The following SLIT1 variants were observed in gnomAD, a reference collection of about 807,000 sequenced individuals.
SLIT1 encodes the protein slit homolog 1 protein.
SLIT1 carries 66 observed loss-of-function variants against 186.1 expected under a neutral mutation model. The ratio of observed to expected loss-of-function variants is 0.35; its 90% CI spans 0.29 to 0.44. The LOEUF (loss-of-function observed/expected upper bound fraction) is 0.44. SLIT1 is among the 20% of genes least tolerant of loss of function. SLIT1 has a pLI of 1.00. For missense variants in SLIT1, 1,638 were observed against 2,037.4 expected, an observed-to-expected ratio of 0.80 and a Z score of 3.77; for synonymous variants, 761 against 833.8, an observed-to-expected ratio of 0.91 and a Z score of 1.50.
chr10:97,103,652 C>A (rs942858665), intron 4 of SLIT1: 1 of 152,182 alleles, frequency 6.6e-6, no homozygotes, highest in Non-Finnish European at 1.5e-5. Context: ...CAAAGTGCAA[C>A]GCCCTCAATT....
chr10:97,074,028 C>G (rs1044705216), intron 4 of SLIT1, among the ~76,000 whole-genome samples: 2 of 152,154 alleles, frequency 1.3e-5, no homozygotes, highest in Non-Finnish European at 2.9e-5. Flanking sequence ...AACACCTCCC[C>G]TGAGCCTGAG....
intron 23 of SLIT1, among the ~76,000 whole-genome samples, chr10:97,033,009 G>A (rs1220374633): frequency 6.6e-6 from 1 of 152,068 alleles, no homozygotes; most frequent in Non-Finnish European, 1.5e-5. Context: ...GGAGAGGCAG[G>A]AGCAGGGGAT....
chr10:97,075,490 G>A (rs915326479), intron 4 of SLIT1, among the ~76,000 whole-genome samples: 1 of 152,200 alleles, frequency 6.6e-6, no homozygotes. Context: ...CCTCTGGCAG[G>A]ACCACAGTTA....
chr10:97,136,205 C>T (rs1281587898), intron 4 of SLIT1, among the ~76,000 whole-genome samples: 7 of 152,168 alleles, frequency 4.6e-5, no homozygotes, highest in African/African-American at 1.7e-4. Context: ...GTCCCCTCAT[C>T]CACTGTAATA....
intron 4 of SLIT1, among the ~76,000 whole-genome samples, chr10:97,126,076 G>T (rs567712573): frequency 6.6e-6 from 1 of 152,286 alleles, no homozygotes; most frequent in Admixed American, 6.5e-5. Context: ...GGAAGGGGAC[G>T]TCGAGATCTG....
intron 22 of SLIT1, among the ~76,000 whole-genome samples, chr10:97,034,780 C>T (rs1047215934): frequency 1.3e-5 from 2 of 152,144 alleles, no homozygotes; most frequent in South Asian, 2.1e-4. Context: ...CTGACCCTCA[C>T]CCCCATCCCT....
Position 97,043,378 on chromosome 10 carries a change from G to T in SLIT1, c.1989C>A (p.Leu663=). The change falls in exon 19 of 37, where the codon CTC becomes CTA. Residue 663 remains leucine (L), a synonymous_variant. Transcript: ENST00000266058. The surrounding 1 kb of genome is among the most constrained non-coding windows in gnomAD (Gnocchi z 7.0). ...CTGGAGGCCGGACTCACAGTGTGGAGAGGGACTGGAGGGTGTCGAAGGCTC... is the reference window on the plus strand; with the variant it reads ...CTGGAGGCCGGACTCACAGTGTGGATAGGGACTGGAGGGTGTCGAAGGCTC... ...SPGAFDTLQS[L]STLNLLANPF... 6.2e-7 allele frequency: 1 copy of T among 1,613,558 alleles called. No individual in the cohort carries two copies. The highest frequency in any genetic ancestry group is 8.5e-7 in the Non-Finnish European group (1 of 1,179,996).
At chr10:97,021,000 T>C (rs1372531411) in intron 26 of SLIT1, among the ~76,000 whole-genome samples, 1 of 152,244 alleles carries the variant, frequency 6.6e-6, no homozygotes, top group East Asian at 1.9e-4. Context: ...ACTGCTGCTA[T>C]TTTTATTTTC....
chr10:97,166,530 A>AGAAGGAAGGAAGGAAGGAAG (rs1241751831), intron 1 of SLIT1, among the ~76,000 whole-genome samples: 1,937 of 49,046 alleles, frequency 0.039, 85 homozygotes, highest in Admixed American at 0.081. Context: ...AAAAAAAGAA[A>AGAAGGAAGGAAGGAAGGAAG]GAAGGAAGGA....
chr10:97,136,593 C>T (rs562734908), intron 4 of SLIT1, among the ~76,000 whole-genome samples: 23 of 152,274 alleles, frequency 1.5e-4, no homozygotes, highest in Non-Finnish European at 3.1e-4. Context: ...TCTCCTTACA[C>T]GAAAATAAAA....
chr10:97,005,301 T>C (rs1848350171), intron 32 of SLIT1, among the ~76,000 whole-genome samples: 2 of 152,198 alleles, frequency 1.3e-5, no homozygotes, highest in African/African-American at 4.8e-5. Flanking sequence ...GAAGGTAGTG[T>C]CTGTCGCTGG....
At chr10:97,015,987 A>G (rs1848451678) in intron 28 of SLIT1, among the ~76,000 whole-genome samples, 1 of 152,260 alleles carries the variant, frequency 6.6e-6, no homozygotes, top group South Asian at 2.1e-4. Flanking sequence ...TAACTGTTAA[A>G]GAAGAACTTG....
At chr10:97,084,661 A>AGT (rs1849139085) in intron 4 of SLIT1, among the ~76,000 whole-genome samples, 1 of 151,472 alleles carries the variant, frequency 6.6e-6, no homozygotes, top group African/African-American at 2.4e-5. Context: ...GCTGGAGTGC[A>AGT]ATGGCTCGAT....
At chr10:97,016,343 A>C (rs1848455162) in intron 28 of SLIT1, among the ~76,000 whole-genome samples, 1 of 152,016 alleles carries the variant, frequency 6.6e-6, no homozygotes, top group Non-Finnish European at 1.5e-5. Context: ...TGTGCTGTTT[A>C]GATTGCATTG....
At chr10:97,013,904 C>T in intron 29 of SLIT1, 70 bp from the exon 30 acceptor site, 3 of 1,545,524 alleles carry the variant, frequency 1.9e-6, no homozygotes, top group Admixed American at 1.9e-5. Context: ...GCCAGACCCA[C>T]AGAAATCCTC....
intron 13 of SLIT1, among the ~76,000 whole-genome samples, chr10:97,055,303 A>G (rs952008112): frequency 5.3e-5 from 8 of 152,230 alleles, no homozygotes; most frequent in Non-Finnish European, 1.2e-4. Flanking sequence ...AATGATATTA[A>G]GGAATTAATT....
At chr10:97,012,132 A>G (rs905846647) in intron 30 of SLIT1, among the ~76,000 whole-genome samples, 2 of 148,168 alleles carry the variant, frequency 1.3e-5, no homozygotes, top group African/African-American at 5.0e-5. Flanking sequence ...ACACACACGC[A>G]CACATTCGAA....
At chr10:97,036,462 A>G (rs993728831) in intron 22 of SLIT1, among the ~76,000 whole-genome samples, 7 of 152,236 alleles carry the variant, frequency 4.6e-5, no homozygotes, top group Non-Finnish European at 2.9e-5. Context: ...AGAGCCGCCC[A>G]AAGTAGCCAG....
In SLIT1 at chr10:97,004,776, G is replaced by T. The variant is rs769606292; in HGVS notation, c.3627C>A (p.Asn1209Lys). 10 of 1,614,084 alleles carry T rather than the reference G, an allele frequency of 6.2e-6. No individual in the cohort carries two copies. The East Asian group carries it at 2.2e-4, about 36-fold the overall frequency. ...DNGILLYNGD[N>K]DHIAVELYQG... is the part of the protein sequence containing the mutation. ...GGTACAGCTCAACTGCAATGTGGTC[G>T]TTGTCCCCGTTGTACAGAAGGATCC... is the stretch of plus-strand genomic sequence containing the variant. Residue 1209 changes from asparagine to lysine, a missense_variant, in exon 33 of 37, where the codon AAC (asparagine) becomes AAA (lysine). Physicochemically the swap from Asn to Lys is moderately conservative, Grantham distance 94. Around this residue, in one of 3 missense-constraint regions of SLIT1, gnomAD observed 173 missense variants for 290.9 expected, o/e 0.59. Transcript: ENST00000266058. This position sits in a 1 kb window ranked among gnomAD's most constrained non-coding sequence, Gnocchi z 5.1.
Sources: allele counts gnomAD v4.1 joint callset (sites outside exome capture counted in the v4.1 genomes callset), GRCh38; gene constraint gnomAD v4.1.1; regional missense constraint gnomAD v4.1.1; non-coding constraint Gnocchi (gnomAD v3.1); transcripts MANE v1.5; gene names NCBI Gene and HGNC (gene_info 2026-07-23, HGNC 2026-07-21).